The following CLNK variants were observed in gnomAD, a reference collection of about 807,000 sequenced individuals.
CLNK encodes cytokine-dependent hematopoietic cell linker.
CLNK carries 74 observed loss-of-function variants against 68.6 expected under a neutral mutation model. The observed-to-expected ratio is 1.08, with a 90% CI of 0.89 to 1.31. The LOEUF (loss-of-function observed/expected upper bound fraction) is 1.31. CLNK is among the 50% of genes most tolerant of loss of function. CLNK has a pLI of 0.00. For missense variants in CLNK, 553 were observed against 515.3 expected (o/e 1.07, Z -0.71); for synonymous variants, 198 against 172.2 (o/e 1.15, Z -1.17).
At chr4:10,649,676 G>A (rs1723651828) in intron 2 of CLNK, among the ~76,000 whole-genome samples, 2 of 152,094 alleles carry the variant, frequency 1.3e-5, no homozygotes, top group Non-Finnish European at 2.9e-5. Context: ...ATTTCCTCCT[G>A]AGAATTAACA....
the CLNK span, among the ~76,000 whole-genome samples, chr4:10,700,004 A>G: frequency 3.2e-4 from 46 of 145,196 alleles, no homozygotes; most frequent in South Asian, 9.2e-4. Context: ...GTGTGTGCAT[A>G]TGTGTGTGTG....
At chr4:10,644,578 C>G (rs191253961) in intron 2 of CLNK, among the ~76,000 whole-genome samples, 1 of 152,098 alleles carries the variant, frequency 6.6e-6, no homozygotes, top group African/African-American at 2.4e-5. Context: ...GAGGCTCAGG[C>G]AGAAGAACAG....
intron 2 of CLNK, among the ~76,000 whole-genome samples, chr4:10,603,225 C>T (rs1199637657): frequency 2.0e-5 from 3 of 152,158 alleles, no homozygotes; most frequent in Admixed American, 2.0e-4. Context: ...ACTAAAATTG[C>T]TCTTAAGCCA....
intron 4 of CLNK, among the ~76,000 whole-genome samples, chr4:10,581,755 A>T (rs1720793423): frequency 6.6e-6 from 1 of 152,068 alleles, no homozygotes; most frequent in Admixed American, 6.6e-5. Context: ...GTGATAGGGA[A>T]GGCAGCTGCC....
upstream of CLNK, among the ~76,000 whole-genome samples, chr4:10,687,014 TC>T (rs1306407064): frequency 2.0e-5 from 3 of 152,076 alleles, no homozygotes. Flanking sequence ...ATATACCTAC[TC>T]CTTTGATGGA....
the CLNK span, chr4:10,697,636 A>T: frequency 1.3e-5 from 2 of 152,188 alleles, no homozygotes; most frequent in African/African-American, 4.8e-5. Flanking sequence ...CTCATGCCAG[A>T]GTAGACTCTT....
At chr4:10,649,791 C>T (rs1363335430) in intron 2 of CLNK, among the ~76,000 whole-genome samples, 1 of 151,756 alleles carries the variant, frequency 6.6e-6, no homozygotes, top group Non-Finnish European at 1.5e-5. Flanking sequence ...AAAACAAATA[C>T]AAATTTTCTC....
At chr4:10,647,256 C>A (rs920951846) in intron 2 of CLNK, among the ~76,000 whole-genome samples, 1 of 152,170 alleles carries the variant, frequency 6.6e-6, no homozygotes, top group African/African-American at 2.4e-5. Flanking sequence ...CTGTGACTAT[C>A]TGGTGAAAAG....
intron 10 of CLNK, among the ~76,000 whole-genome samples, chr4:10,541,365 A>G (rs1268729423): frequency 2.0e-5 from 3 of 152,092 alleles, no homozygotes; most frequent in Admixed American, 6.6e-5. Context: ...ATAGAGAGGA[A>G]AAAGATACAG....
chr4:10,603,864 C>A (rs1721686718), intron 2 of CLNK, among the ~76,000 whole-genome samples: 3 of 152,174 alleles, frequency 2.0e-5, no homozygotes, highest in Admixed American at 2.0e-4. Context: ...AGTACAAGAT[C>A]ATCTTGGATT....
chr4:10,518,753 AT>A (rs1717940365), intron 15 of CLNK, among the ~76,000 whole-genome samples: 1 of 152,206 alleles, frequency 6.6e-6, no homozygotes, highest in Admixed American at 6.5e-5. Context: ...TTATTTTCTC[AT>A]TTGTCAAATA....
chr4:10,515,498 C>CT (rs992846524), intron 15 of CLNK, among the ~76,000 whole-genome samples: 2 of 150,774 alleles, frequency 1.3e-5, no homozygotes, highest in African/African-American at 4.9e-5. Context: ...GAAACATCAT[C>CT]TTTTTTAACC....
At chr4:10,717,849 T>C in the CLNK span, among the ~76,000 whole-genome samples, 1 of 152,138 alleles carries the variant, frequency 6.6e-6, no homozygotes, top group Non-Finnish European at 1.5e-5. Context: ...AAAATTTCAG[T>C]TGGTGAGAAA....
chr4:10,593,109 G>A (rs1204270402), intron 3 of CLNK, among the ~76,000 whole-genome samples: 1 of 152,214 alleles, frequency 6.6e-6, no homozygotes, highest in Non-Finnish European at 1.5e-5. Flanking sequence ...TGCATCCTCT[G>A]TGAAAGAACC....
chr4:10,650,155 ATACT>A (rs1238126236), intron 2 of CLNK, among the ~76,000 whole-genome samples: 1 of 152,210 alleles, frequency 6.6e-6, no homozygotes, highest in Non-Finnish European at 1.5e-5. Flanking sequence ...ACAAATAAAG[ATACT>A]TAACTCATTA....
chr4:10,634,390 G>C (rs1306958579), intron 2 of CLNK, among the ~76,000 whole-genome samples: 1 of 152,202 alleles, frequency 6.6e-6, no homozygotes, highest in East Asian at 1.9e-4. Flanking sequence ...CCAGCTTGCT[G>C]TGTGCGCTCG....
chr4:10,722,642 A>T, the CLNK span, among the ~76,000 whole-genome samples: 1 of 152,214 alleles, frequency 6.6e-6, no homozygotes, highest in Non-Finnish European at 1.5e-5. Flanking sequence ...GCAAGTAAAG[A>T]AGGAAGCAAC....
At chr4:10,727,148 A>T in the CLNK span, among the ~76,000 whole-genome samples, 220 of 152,292 alleles carry the variant, frequency 1.4e-3, 1 homozygote, top group Non-Finnish European at 1.1e-3. Flanking sequence ...TTGAAATTTG[A>T]CCCAGGAAAT....
At chr4:10,699,512 A>ATGTT in the CLNK span, among the ~76,000 whole-genome samples, 2 of 32,748 alleles carry the variant, frequency 6.1e-5, no homozygotes, top group African/African-American at 1.2e-4. Context: ...ATATATATAT[A>ATGTT]TTTTTTTTTT....
Sources: gnomAD v4.1 joint callset for allele counts (sites outside exome capture counted in the v4.1 genomes callset) on GRCh38, gnomAD v4.1.1 for gene constraint, MANE v1.5 for transcripts, NCBI Gene and HGNC (gene_info 2026-07-23, HGNC 2026-07-21) for gene names.